The following THSD4 variants were observed in gnomAD, a reference collection of about 807,000 sequenced individuals.
THSD4 encodes thrombospondin type 1 domain containing 4.
A neutral mutation model predicts 119.0 loss-of-function variants in THSD4; 69 were observed. The ratio of observed to expected loss-of-function variants is 0.58; its 90% CI spans 0.48 to 0.71. The LOEUF is 0.71. Ranked by LOEUF, THSD4 falls within the 30% of genes least tolerant of loss-of-function variation. THSD4 has a pLI of 0.00. For synonymous variants in THSD4, 524 were observed against 540.4 expected, an observed-to-expected ratio of 0.97 and a Z score of 0.42; for missense variants, 1,393 against 1,391.1, an observed-to-expected ratio of 1.00 and a Z score of -0.02.
chr15:71,385,582 G>A (rs1596388333), intron 6 of THSD4, among the ~76,000 whole-genome samples: 1 of 4,906 alleles, frequency 2.0e-4, no homozygotes, highest in Non-Finnish European at 6.2e-3. Context: ...CTTGGAGTTC[G>A]CTAAAGCGAA....
intron 7 of THSD4, among the ~76,000 whole-genome samples, chr15:71,529,087 C>G (rs990905054): frequency 3.9e-5 from 6 of 152,296 alleles, no homozygotes; most frequent in Admixed American, 2.0e-4. Context: ...CCACTTTTTC[C>G]CCTCTCCATC....
chr15:71,751,143 C>G (rs951026920), intron 14 of THSD4, among the ~76,000 whole-genome samples: 2 of 152,220 alleles, frequency 1.3e-5, no homozygotes, highest in African/African-American at 4.8e-5. Flanking sequence ...TCCACTTTCT[C>G]CAGGCTAAAA....
At chr15:71,394,295 C>T (rs1284692847) in intron 6 of THSD4, among the ~76,000 whole-genome samples, 2 of 95,774 alleles carry the variant, frequency 2.1e-5, no homozygotes, top group South Asian at 3.4e-4. Flanking sequence ...TTTTTTGAGA[C>T]GGAGTTTTAC....
intron 17 of THSD4, 137 bp downstream of exon 17, chr15:71,771,345 G>A: frequency 8.7e-7 from 1 of 1,150,048 alleles, no homozygotes. Flanking sequence ...GGGTTGAGGT[G>A]CTTTTGGTAT....
rs1456708176 is a variant in THSD4, at chr15:71,374,498, A to G, written c.1016-37189A>G. 1.3e-5 allele frequency among the ~76,000 whole-genome samples: 2 copies of G among 152,330 alleles called. 1 individual carries two copies. The highest frequency in any genetic ancestry group is 4.1e-4 in the South Asian group (2 of 4,826). On this transcript the variant is annotated intron_variant, in intron 6 of 17. Transcript: ENST00000261862. The stretch of plus-strand genomic sequence containing the variant: ...AAGGGGATGTGGTAAGAAAATGTTC[A>G]TCTAAATATCCAAATCAGAAAGTGG...
chr15:71,412,826 T>C (rs1389611221), intron 7 of THSD4, among the ~76,000 whole-genome samples: 1 of 152,166 alleles, frequency 6.6e-6, no homozygotes, highest in Non-Finnish European at 1.5e-5. Context: ...TTTTAAAAAG[T>C]ATATTTTTAA....
At chr15:71,749,699 T>TTATA (rs2053409875) in intron 14 of THSD4, among the ~76,000 whole-genome samples, 1 of 140,564 alleles carries the variant, frequency 7.1e-6, no homozygotes. Flanking sequence ...TTTTAAATTT[T>TTATA]TATTTATTTA....
At chr15:71,306,287 T>C (rs1264000313) in intron 6 of THSD4, among the ~76,000 whole-genome samples, 1 of 102,334 alleles carries the variant, frequency 9.8e-6, no homozygotes, top group African/African-American at 4.0e-5. Flanking sequence ...GCCTGGGTGA[T>C]AAGAGCAAGA....
intron 7 of THSD4, among the ~76,000 whole-genome samples, chr15:71,481,999 G>A (rs2047737265): frequency 6.6e-6 from 1 of 152,154 alleles, no homozygotes; most frequent in African/African-American, 2.4e-5. Context: ...ACAACATGTG[G>A]AGCCAACTTA....
chr15:71,511,133 G>A (rs1379431194), intron 7 of THSD4, among the ~76,000 whole-genome samples: 1 of 151,614 alleles, frequency 6.6e-6, no homozygotes, highest in Non-Finnish European at 1.5e-5. Flanking sequence ...CAATCAAATG[G>A]AAAGGGCACC....
chr15:71,547,505 CA>C, intron 7 of THSD4: 1 of 1,548,644 alleles, frequency 6.5e-7, no homozygotes, highest in Non-Finnish European at 8.7e-7. Context: ...AATATCTTGT[CA>C]GAAGTTGTAT....
chr15:71,404,366 T>G (rs2046577177), intron 6 of THSD4, among the ~76,000 whole-genome samples: 1 of 152,224 alleles, frequency 6.6e-6, no homozygotes. Context: ...GATTTGCTTC[T>G]TTTACTTAGC....
At chr15:71,623,738 C>T (rs530814682) in intron 7 of THSD4, among the ~76,000 whole-genome samples, 7 of 152,030 alleles carry the variant, frequency 4.6e-5, no homozygotes, top group South Asian at 2.1e-4. Context: ...GCCTGGCCAA[C>T]GTGGTGACAC....
chr15:71,379,106 AGTT>A (rs2046191130), intron 6 of THSD4, among the ~76,000 whole-genome samples: 1 of 152,230 alleles, frequency 6.6e-6, no homozygotes, highest in Admixed American at 6.5e-5. Context: ...GTTTTAAGCC[AGTT>A]GTTGAGATCA....
intron 2 of THSD4, among the ~76,000 whole-genome samples, chr15:71,143,700 C>CTTTTTTTTTTTTTT (rs546375502): frequency 5.0e-5 from 5 of 100,732 alleles, no homozygotes; most frequent in Admixed American, 1.0e-4. Flanking sequence ...TTTTTTCTTT[C>CTTTTTTTTTTTTTT]TTTTTTTTTT....
At chr15:71,218,941 A>G (rs2043955150) in intron 4 of THSD4, among the ~76,000 whole-genome samples, 1 of 152,228 alleles carries the variant, frequency 6.6e-6, no homozygotes, top group African/African-American at 2.4e-5. Context: ...GGACATACAC[A>G]AAGGTGAATA....
rs1298190049 is a variant in THSD4, at chr15:71,119,130, TA to T, written c.-80+3433del. 9.5e-4 allele frequency among the ~76,000 whole-genome samples: 144 copies of T among 152,312 alleles called. 1 individual carries two copies. Among genetic ancestry groups the T allele is most frequent in the Middle Eastern group, 3.4e-3 (1 of 294 alleles). On this transcript the variant is annotated intron_variant, in intron 1 of 17. Coordinates refer to ENST00000261862, the MANE Select transcript of THSD4 (RefSeq NM_024817.3). ...AAGGGAGACATCAGCATCTGCCTTGTACAGGAAGAAAGTTGAGGCTTACTTG... is the reference window on the plus strand; with the variant it reads ...AAGGGAGACATCAGCATCTGCCTTGTCAGGAAGAAAGTTGAGGCTTACTTG...
chr15:71,582,644 C>A (rs1051589197), intron 7 of THSD4, among the ~76,000 whole-genome samples: 1 of 151,894 alleles, frequency 6.6e-6, no homozygotes, highest in African/African-American at 2.4e-5. Context: ...TATTATGTTG[C>A]GGTATATTTC....
At chr15:71,719,909 C>T (rs2052681918) in intron 8 of THSD4, among the ~76,000 whole-genome samples, 1 of 152,002 alleles carries the variant, frequency 6.6e-6, no homozygotes, top group Admixed American at 6.6e-5. Flanking sequence ...CTCCTGCTCG[C>T]AAACGATCTG....
Sources: gnomAD v4.1 joint callset for allele counts (sites outside exome capture counted in the v4.1 genomes callset) on GRCh38, gnomAD v4.1.1 for gene constraint, MANE v1.5 for transcripts, NCBI Gene and HGNC (gene_info 2026-07-23, HGNC 2026-07-21) for gene names.